ZNF566: variants seen among roughly 807,000 people sequenced by gnomAD.
The protein encoded by ZNF566 is zinc finger protein 566.
In ZNF566, 27 loss-of-function variants were observed where a neutral mutation model predicts 32.8. The observed-to-expected ratio is 0.82, with a 90% CI of 0.61 to 1.14. ZNF566 has a LOEUF of 1.14. ZNF566 is among the 50% of genes most tolerant of loss of function. The pLI is 0.00. For missense variants in ZNF566, 402 were observed against 490.4 expected (o/e 0.82, Z 1.70); for synonymous variants, 154 against 159.5 (o/e 0.97, Z 0.26).
At chr19:36,480,893 A>T (rs969264784) in intron 1 of ZNF566, among the ~76,000 whole-genome samples, 1 of 151,818 alleles carries the variant, frequency 6.6e-6, no homozygotes, top group Non-Finnish European at 1.5e-5. Context: ...TACAAAAAAA[A>T]TTAGCCGGGC....
intron 4 of ZNF566, among the ~76,000 whole-genome samples, chr19:36,450,789 G>C (rs2033136397): frequency 6.6e-6 from 1 of 152,314 alleles, no homozygotes; most frequent in East Asian, 1.9e-4. Flanking sequence ...TTTTATAAAT[G>C]AAGTTTTATT....
chr19:36,487,970 G>C (rs1234027188), intron 1 of ZNF566, among the ~76,000 whole-genome samples: 1 of 151,952 alleles, frequency 6.6e-6, no homozygotes, highest in Non-Finnish European at 1.5e-5. Flanking sequence ...AGATTGTGTG[G>C]GGGAGAAATT....
intron 4 of ZNF566, among the ~76,000 whole-genome samples, chr19:36,452,087 A>C (rs557164855): frequency 1.6e-4 from 24 of 152,128 alleles, no homozygotes; most frequent in Non-Finnish European, 2.9e-4. Flanking sequence ...ACTCGTTAAA[A>C]AAAAAAAAGG....
rs918014586 is a variant in ZNF566 at position 36,447,071 on chromosome 19, C to G, written c.*1906G>C. The stretch of plus-strand genomic sequence containing the variant: ...CATTCTGTCGCTCAGGCTGAAGTGC[C>G]ATGGCGTGATCTTGGCTCACTGCAA... On this transcript the variant is annotated 3_prime_UTR_variant, in exon 5 of 5. Coordinates refer to ENST00000452939, the MANE Select transcript of ZNF566 (RefSeq NM_001145344.1). 3 of 151,582 alleles carry G rather than the reference C, an allele frequency of 2.0e-5. No individual in the cohort carries two copies. Among genetic ancestry groups the G allele is most frequent in the Non-Finnish European group, 2.9e-5 (2 of 68,056 alleles). 9.4% of individuals were successfully genotyped at this position (151,582 alleles called of 1,614,324 possible).
In ZNF566 at chr19:36,476,598, C is replaced by G. The variant is rs763262027; in HGVS notation, c.-41G>C. 6.2e-6 allele frequency: 10 copies of G among 1,612,972 alleles called. No individual in the cohort carries two copies. Among genetic ancestry groups the G allele is most frequent in the Non-Finnish European group, 8.5e-6 (10 of 1,179,586 alleles). ...AGAAAAGGACCTTCTCTTGGCTCTT[C>G]TTTTGGAGAAGGGTAGAGCTGGGAG... On this transcript the variant is annotated 5_prime_UTR_variant, in exon 2 of 5. Transcript: ENST00000452939.
At chr19:36,465,886 TTAAATATATATAAAGGCAGTA>T (rs999912944) in intron 4 of ZNF566, among the ~76,000 whole-genome samples, 2 of 150,692 alleles carry the variant, frequency 1.3e-5, no homozygotes, top group African/African-American at 2.4e-5. Context: ...AATATATATA[TTAAATATATATAAAGGCAGTA>T]TAAATATATA....
intron 4 of ZNF566, among the ~76,000 whole-genome samples, chr19:36,471,397 C>T (rs2033761849): frequency 6.6e-6 from 1 of 152,012 alleles, no homozygotes; most frequent in Non-Finnish European, 1.5e-5. Context: ...TACCCCTCTG[C>T]TCTCACTCCT....
chr19:36,486,539 C>T (rs530192440), intron 1 of ZNF566, among the ~76,000 whole-genome samples: 11 of 152,020 alleles, frequency 7.2e-5, no homozygotes, highest in Admixed American at 2.6e-4. Flanking sequence ...GCCGTGGTGG[C>T]GCAAGCCTGT....
chr19:36,476,278 C>T (rs980637375), intron 2 of ZNF566: 1 of 303,562 alleles, frequency 3.3e-6, no homozygotes, highest in Non-Finnish European at 6.1e-6. Context: ...TGTACTCCAG[C>T]CTAGAAGACA....
intron 4 of ZNF566, among the ~76,000 whole-genome samples, chr19:36,469,935 GA>G (rs906044145): frequency 6.6e-6 from 1 of 151,382 alleles, no homozygotes; most frequent in Non-Finnish European, 1.5e-5. Context: ...AAAAAAAACA[GA>G]ATTATATGAG....
chr19:36,461,742 C>T lies in ZNF566; in HGVS notation c.232+11169G>A, dbSNP rs138651834. Reference sequence around the variant, plus strand: ...GGAGATGGTTCATATTTTGTTTTAACAGGTATTGACCATGTTGGGTACAGG... The same window carrying T: ...GGAGATGGTTCATATTTTGTTTTAATAGGTATTGACCATGTTGGGTACAGG... On this transcript the variant is annotated intron_variant, in intron 4 of 4. Coordinates refer to ENST00000452939, the MANE Select transcript of ZNF566 (RefSeq NM_001145344.1). 8.3e-3 allele frequency among the ~76,000 whole-genome samples: 1,257 copies of T among 152,122 alleles called. 19 individuals carry two copies. Among genetic ancestry groups the T allele is most frequent in the African/African-American group, 0.029 (1,191 of 41,502 alleles).
rs1322613168 is a variant in ZNF566, at chr19:36,446,738, G to GC, written c.*2238dup. 2.6e-5 allele frequency: 4 copies of GC among 152,164 alleles called. No individual in the cohort carries two copies. The highest frequency in any genetic ancestry group is 9.7e-5 in the African/African-American group (4 of 41,438). The allele number at this position is 152,164 out of a possible 1,614,324, so 9.4% of individuals were successfully genotyped here. On this transcript the variant is annotated 3_prime_UTR_variant, in exon 5 of 5. Coordinates refer to ENST00000452939, the MANE Select transcript of ZNF566 (RefSeq NM_001145344.1). ...TCCATTTTTAGTAATTCTCTCATTT[G>GC]CAGGTATTTTTGCTCACTCTACTTT... is the stretch of plus-strand genomic sequence containing the variant.
At chr19:36,467,234 G>A (rs1007762995) in intron 4 of ZNF566, among the ~76,000 whole-genome samples, 4 of 149,996 alleles carry the variant, frequency 2.7e-5, no homozygotes, top group Admixed American at 6.6e-5. Context: ...AGGAATTTGA[G>A]ACCATCCTGG....
In ZNF566 at chr19:36,449,031, T is replaced by C; in HGVS notation, c.1203A>G (p.Gly401=). ...GTTGTGGGTCATAATTAAAGTTCTT[T>C]CCACATTCCCTATATTCATAGGGTT... ...SEKPYEYREC[G]KNFNYDPQLI... is the part of the protein sequence containing the mutation. The change falls in exon 5 of 5, where the codon GGA becomes GGG. Residue 401 remains glycine (G), a synonymous_variant. Coordinates refer to ENST00000452939, the MANE Select transcript of ZNF566 (RefSeq NM_001145344.1). 1 of 1,606,876 alleles carries C rather than the reference T, an allele frequency of 6.2e-7. No individual in the cohort carries two copies. Among genetic ancestry groups the C allele is most frequent in the African/African-American group, 1.3e-5 (1 of 74,652 alleles).
intron 4 of ZNF566, among the ~76,000 whole-genome samples, chr19:36,452,027 A>C (rs1005200013): frequency 8.6e-5 from 13 of 151,478 alleles, no homozygotes; most frequent in Non-Finnish European, 1.6e-4. Context: ...AACAAACAAC[A>C]AAAAAAAGAA....
In ZNF566 at chr19:36,446,679, G is replaced by A. The variant is rs2033002556; in HGVS notation, c.*2298C>T. ...AAAGTAAACAAAATCTCATTTGGCA[G>A]TTTTCATTTTGATAACGCAAAACAT... On this transcript the variant is annotated 3_prime_UTR_variant, in exon 5 of 5. Transcript: ENST00000452939. 6.6e-6 allele frequency: 1 copy of A among 152,224 alleles called. No homozygotes were observed. Among genetic ancestry groups the A allele is most frequent in the Non-Finnish European group, 1.5e-5 (1 of 68,028 alleles). The allele number at this position is 152,224 out of a possible 1,614,324, so 9.4% of individuals were successfully genotyped here. A position where few individuals can be genotyped will look rare whatever the true frequency, so the allele number is the denominator to read the frequency against.
intron 4 of ZNF566, among the ~76,000 whole-genome samples, chr19:36,452,847 C>T (rs746292702): frequency 6.6e-6 from 1 of 152,054 alleles, no homozygotes; most frequent in Non-Finnish European, 1.5e-5. Context: ...AGGCTGGGCA[C>T]GGTGGCTCAC....
chr19:36,463,828 C>A (rs182281986), intron 4 of ZNF566, among the ~76,000 whole-genome samples: 11 of 151,908 alleles, frequency 7.2e-5, no homozygotes, highest in South Asian at 2.1e-4. Flanking sequence ...CGGGTTCAAG[C>A]AATTCTTGTG....
chr19:36,453,081 GTAC>G (rs1368226613), intron 4 of ZNF566, among the ~76,000 whole-genome samples: 1 of 150,400 alleles, frequency 6.6e-6, no homozygotes, highest in Non-Finnish European at 1.5e-5. Flanking sequence ...TCTTGCCACT[GTAC>G]TCCAGCCTGG....
Sources: allele counts gnomAD v4.1 joint callset (sites outside exome capture counted in the v4.1 genomes callset), GRCh38; gene constraint gnomAD v4.1.1; transcripts MANE v1.5; gene names NCBI Gene and HGNC (gene_info 2026-07-23, HGNC 2026-07-21).